Variants in ACBD6 observed in about 807,000 individuals in gnomAD.
ACBD6 encodes the protein acyl-CoA-binding domain-containing protein 6.
ACBD6 carries 28 observed loss-of-function variants against 37.2 expected under a neutral mutation model. The ratio of observed to expected loss-of-function variants is 0.75; its 90% CI spans 0.56 to 1.03. The LOEUF (loss-of-function observed/expected upper bound fraction) is 1.03. Among genes scored for constraint, ACBD6 ranks in the 50% least tolerant of loss-of-function variants. The probability of loss-of-function intolerance (pLI) is 0.00; values close to 1 mark genes in which losing one functional copy is unlikely to be tolerated. For missense variants in ACBD6, 340 were observed against 337.4 expected, an observed-to-expected ratio of 1.01 and a Z score of -0.06; for synonymous variants, 113 against 126.8, an observed-to-expected ratio of 0.89 and a Z score of 0.73.
chr1:180,394,545 C>T (rs753420322), intron 6 of ACBD6, among the ~76,000 whole-genome samples: 8 of 151,972 alleles, frequency 5.3e-5, no homozygotes, highest in South Asian at 4.2e-4. Context: ...TTTGCCCAAC[C>T]GGATTTAAAA....
intron 5 of ACBD6, among the ~76,000 whole-genome samples, chr1:180,412,167 C>T (rs1162465092): frequency 6.7e-6 from 1 of 150,322 alleles, no homozygotes; most frequent in Non-Finnish European, 1.5e-5. Flanking sequence ...AATCAGAAGA[C>T]CTGGTATTAT....
exon 14 of ACBD6, chr1:180,269,657 T>G (rs1000254261): frequency 6.6e-6 from 1 of 152,248 alleles, no homozygotes; most frequent in South Asian, 2.1e-4. Context: ...AAAACATTTT[T>G]GGTGATTGCA....
At chr1:180,431,263 GA>G (rs1471623943) in intron 3 of ACBD6, among the ~76,000 whole-genome samples, 3 of 151,746 alleles carry the variant, frequency 2.0e-5, no homozygotes, top group Admixed American at 2.0e-4. Flanking sequence ...ACTACTGGGG[GA>G]ACTAAGGTTT....
intron 6 of ACBD6, among the ~76,000 whole-genome samples, chr1:180,391,577 A>C (rs1408793964): frequency 6.6e-6 from 1 of 152,206 alleles, no homozygotes; most frequent in Non-Finnish European, 1.5e-5. Context: ...ACCATCAAGG[A>C]AATGAAAATC....
chr1:180,450,816 A>G (rs957450496), intron 3 of ACBD6, among the ~76,000 whole-genome samples: 6 of 152,134 alleles, frequency 3.9e-5, no homozygotes, highest in African/African-American at 1.4e-4. Flanking sequence ...AAAACTGAAC[A>G]TCGTCTATGT....
At chr1:180,393,013 T>C (rs944229500) in intron 6 of ACBD6, among the ~76,000 whole-genome samples, 5 of 152,220 alleles carry the variant, frequency 3.3e-5, no homozygotes, top group African/African-American at 1.2e-4. Context: ...TACCTTTTAA[T>C]GTGCTTTGGG....
chr1:180,270,766 C>T (rs1648597381), exon 14 of ACBD6: 1 of 158,608 alleles, frequency 6.3e-6, no homozygotes, highest in African/African-American at 2.4e-5. Context: ...ATCCCATTCT[C>T]TTCATCTGAT....
intron 6 of ACBD6, among the ~76,000 whole-genome samples, chr1:180,367,902 T>C (rs1558268824): frequency 6.6e-6 from 1 of 152,340 alleles, no homozygotes; most frequent in Non-Finnish European, 1.5e-5. Context: ...TCTTGGTATA[T>C]ACCCAGTAAT....
At chr1:180,349,182 T>C (rs1334419701) in intron 6 of ACBD6, among the ~76,000 whole-genome samples, 1 of 151,962 alleles carries the variant, frequency 6.6e-6, no homozygotes, top group East Asian at 1.9e-4. Flanking sequence ...CTTCACGAAC[T>C]TGCATGTCAG....
intron 7 of ACBD6, among the ~76,000 whole-genome samples, chr1:180,314,457 C>A (rs1045874767): frequency 6.6e-6 from 1 of 152,150 alleles, no homozygotes; most frequent in African/African-American, 2.4e-5. Flanking sequence ...GTTGGCCAGG[C>A]TGGTCTTGAA....
At chr1:180,473,633 T>C (rs144991003) in intron 3 of ACBD6, among the ~76,000 whole-genome samples, 235 of 152,266 alleles carry the variant, frequency 1.5e-3, no homozygotes, top group African/African-American at 5.4e-3. Flanking sequence ...TTTTAAAAAA[T>C]TGAGGCAATA....
intron 7 of ACBD6, among the ~76,000 whole-genome samples, chr1:180,302,450 G>C (rs1055068273): frequency 6.6e-6 from 1 of 151,972 alleles, no homozygotes; most frequent in African/African-American, 2.4e-5. Flanking sequence ...CTGTTGAATT[G>C]ATCCCTTTAC....
intron 6 of ACBD6, among the ~76,000 whole-genome samples, chr1:180,376,778 T>C (rs1653453174): frequency 6.6e-6 from 1 of 152,170 alleles, no homozygotes; most frequent in Admixed American, 6.5e-5. Flanking sequence ...ACAATCTCTG[T>C]GTACATCTAT....
intron 6 of ACBD6, among the ~76,000 whole-genome samples, chr1:180,318,753 T>C (rs1157676855): frequency 6.6e-6 from 1 of 152,242 alleles, no homozygotes; most frequent in East Asian, 1.9e-4. Flanking sequence ...TTCAGTCTAC[T>C]CTGAGGGTGG....
intron 3 of ACBD6, among the ~76,000 whole-genome samples, chr1:180,448,564 C>T (rs182117266): frequency 6.6e-6 from 1 of 152,220 alleles, no homozygotes; most frequent in African/African-American, 2.4e-5. Context: ...TAGTAGATTG[C>T]TCTTAGTATG....
At chr1:180,272,185 C>T (rs146053300) in intron 13 of ACBD6, among the ~76,000 whole-genome samples, 1 of 152,104 alleles carries the variant, frequency 6.6e-6, no homozygotes, top group East Asian at 1.9e-4. Context: ...TACCATGGGA[C>T]AGGAGTAGGA....
intron 7 of ACBD6, among the ~76,000 whole-genome samples, chr1:180,303,981 T>C (rs1366652044): frequency 6.6e-6 from 1 of 150,884 alleles, no homozygotes; most frequent in Non-Finnish European, 1.5e-5. Flanking sequence ...TAATCCAGCA[T>C]ATAAACAGAA....
intron 3 of ACBD6, among the ~76,000 whole-genome samples, chr1:180,474,688 A>C (rs12087060): frequency 0.11 from 16,187 of 152,214 alleles, 1,240 homozygotes; most frequent in African/African-American, 0.21. Context: ...TTACCTAAAA[A>C]CTTTTTAGCT....
chr1:180,433,348 T>G lies in ACBD6; in HGVS notation c.385-3086A>C, dbSNP rs189605179. Among the ~76,000 whole-genome samples, 112 of 152,232 alleles carry G rather than the reference T, an allele frequency of 7.4e-4. 1 individual carries two copies. The highest frequency in any genetic ancestry group is 7.1e-3 in the Admixed American group (108 of 15,294). On this transcript the variant is annotated intron_variant, in intron 3 of 7. Transcript: ENST00000367595. The stretch of plus-strand genomic sequence containing the variant: ...TCTGACAAAATTCAACATGTGTTCA[T>G]GATAAAAACACTAAATAAACTAGGA...
Sources: gnomAD v4.1 joint callset for allele counts (sites outside exome capture counted in the v4.1 genomes callset) on GRCh38, gnomAD v4.1.1 for gene constraint, MANE v1.5 for transcripts, NCBI Gene and HGNC (gene_info 2026-07-23, HGNC 2026-07-21) for gene names.